ARHGAP35: variants seen among roughly 807,000 people sequenced by gnomAD.
The protein encoded by ARHGAP35 is rho GTPase-activating protein 35.
A neutral mutation model predicts 111.1 loss-of-function variants in ARHGAP35; 15 were observed. The observed-to-expected ratio is 0.13, with a 90% CI of 0.09 to 0.21. The LOEUF is 0.21. ARHGAP35 is among the 10% of genes least tolerant of loss of function. The probability of loss-of-function intolerance (pLI) is 1.00; values close to 1 mark genes in which losing one functional copy is unlikely to be tolerated. For synonymous variants in ARHGAP35, 643 were observed against 710.3 expected (o/e 0.91, Z 1.51); for missense variants, 1,262 against 1,873.0 (o/e 0.67, Z 6.02).
chr19:46,987,020 G>A, intron 3 of ARHGAP35, among the ~76,000 whole-genome samples: 1 of 151,686 alleles, frequency 6.6e-6, no homozygotes, highest in East Asian at 1.9e-4. Context: ...TAGAGATGGG[G>A]TTTCTCCATG....
intron 3 of ARHGAP35, among the ~76,000 whole-genome samples, chr19:46,976,507 G>T (rs754469633): frequency 2.2e-4 from 33 of 152,314 alleles, no homozygotes; most frequent in East Asian, 1.2e-3. Flanking sequence ...AAGTAACCCT[G>T]GCCTTCCATC....
At chr19:46,953,879 C>T (rs1031774984) in intron 3 of ARHGAP35, among the ~76,000 whole-genome samples, 2 of 152,162 alleles carry the variant, frequency 1.3e-5, no homozygotes, top group Admixed American at 6.5e-5. Context: ...CGTGCCTCTG[C>T]GTCGTTGTTA....
At position 46,920,845 on chromosome 19, in the gene ARHGAP35, A is replaced by G; in HGVS notation, c.2170A>G (p.Ile724Val). 1.2e-6 allele frequency: 2 copies of G among 1,613,606 alleles called. No individual in the cohort carries two copies. Among genetic ancestry groups the G allele is most frequent in the Non-Finnish European group, 1.7e-6 (2 of 1,179,706 alleles). The change falls in exon 2 of 7, where the codon ATT (isoleucine) becomes GTT (valine). Residue 724 changes from isoleucine to valine, a missense_variant. Ile to Val is a conservative substitution (Grantham distance 29). Transcript: ENST00000672722. The surrounding 1 kb of genome is among the most constrained non-coding windows in gnomAD (Gnocchi z 7.0). Reference sequence around the variant, plus strand: ...TAGCTTAATACAGCAAGGTCAACAAATTGCTAGCAAACTTCAGTGTGTCTT... The same window carrying G: ...TAGCTTAATACAGCAAGGTCAACAAGTTGCTAGCAAACTTCAGTGTGTCTT... ...LHSLIQQGQQ[I>V]ASKLQCVFLD...
intron 3 of ARHGAP35, among the ~76,000 whole-genome samples, chr19:46,966,907 C>G (rs1388092781): frequency 6.6e-6 from 1 of 152,130 alleles, no homozygotes; most frequent in Non-Finnish European, 1.5e-5. Flanking sequence ...AGGGAGCTTG[C>G]TTGCTTGGAG....
At position 46,983,489 on chromosome 19, in the gene ARHGAP35, T is replaced by C. The variant is rs970605023; in HGVS notation, c.3827-4500T>C. Among the ~76,000 whole-genome samples the C allele has an allele frequency of 3.3e-5, 5 of 152,190 alleles. No individual in the cohort carries two copies. The South Asian group carries it at 1.0e-3, about 32-fold the overall frequency. On this transcript the variant is annotated intron_variant, in intron 3 of 6. Coordinates refer to ENST00000672722, the MANE Select transcript of ARHGAP35 (RefSeq NM_004491.5). ...TTCATCTTTTTAAACAGTACCCCAG[T>C]CAGATGGTTGTCTGGTGAGAGGAGA...
At chr19:46,928,701 G>A (rs986686289) in intron 2 of ARHGAP35, among the ~76,000 whole-genome samples, 2 of 152,092 alleles carry the variant, frequency 1.3e-5, no homozygotes, top group Non-Finnish European at 2.9e-5. Flanking sequence ...GGAGGCCGAG[G>A]CAGGCACATC....
chr19:46,983,161 C>T (rs931760068), intron 3 of ARHGAP35, among the ~76,000 whole-genome samples: 1 of 151,732 alleles, frequency 6.6e-6, no homozygotes, highest in Non-Finnish European at 1.5e-5. Flanking sequence ...GTAACAGGCC[C>T]TCCAGGTGAC....
chr19:46,965,277 C>T (rs1179537396), intron 3 of ARHGAP35, among the ~76,000 whole-genome samples: 1 of 152,212 alleles, frequency 6.6e-6, no homozygotes, highest in African/African-American at 2.4e-5. Flanking sequence ...TGCGCCATTG[C>T]ACTCCAGCCT....
chr19:46,937,962 A>G (rs1274595994), intron 3 of ARHGAP35, among the ~76,000 whole-genome samples: 1 of 152,204 alleles, frequency 6.6e-6, no homozygotes, highest in Non-Finnish European at 1.5e-5. Flanking sequence ...TGATGCTATC[A>G]CAAAGGTAGA....
intron 1 of ARHGAP35, among the ~76,000 whole-genome samples, chr19:46,862,951 C>T (rs566720952): frequency 5.0e-4 from 76 of 152,202 alleles, no homozygotes; most frequent in Middle Eastern, 3.4e-3. Flanking sequence ...TATTCCCCCC[C>T]ACCTTCCTCT....
chr19:46,869,097 G>A (rs1319560356), intron 1 of ARHGAP35, among the ~76,000 whole-genome samples: 4 of 151,408 alleles, frequency 2.6e-5, no homozygotes, highest in Admixed American at 1.3e-4. Flanking sequence ...TAGCAGAGTC[G>A]GGTTTCACCA....
chr19:46,960,000 C>T (rs8102362), intron 3 of ARHGAP35, among the ~76,000 whole-genome samples: 2,265 of 148,608 alleles, frequency 0.015, 23 homozygotes, highest in Non-Finnish European at 0.023. Flanking sequence ...GTCCCAGCTA[C>T]TCAGGAGGCT....
intron 5 of ARHGAP35, among the ~76,000 whole-genome samples, chr19:46,990,478 C>T (rs1311094701): frequency 6.6e-6 from 1 of 152,228 alleles, no homozygotes; most frequent in Non-Finnish European, 1.5e-5. Context: ...CTGCTTTGTG[C>T]CTCTGGCAGG....
intron 1 of ARHGAP35, among the ~76,000 whole-genome samples, chr19:46,880,163 T>C (rs559743894): frequency 6.6e-6 from 1 of 152,252 alleles, no homozygotes; most frequent in African/African-American, 2.4e-5. Context: ...GCTGGGCGTG[T>C]GGCTCACGCC....
chr19:46,977,280 A>T (rs113785054), intron 3 of ARHGAP35, among the ~76,000 whole-genome samples: 2 of 152,222 alleles, frequency 1.3e-5, no homozygotes. Flanking sequence ...TGAACCCACT[A>T]CGTTCCTAGT....
At chr19:46,928,724 GA>G (rs2056253562) in intron 2 of ARHGAP35, among the ~76,000 whole-genome samples, 1 of 152,130 alleles carries the variant, frequency 6.6e-6, no homozygotes, top group East Asian at 1.9e-4. Flanking sequence ...TTGAGGTCAG[GA>G]GTTCGAGACC....
At chr19:46,949,344 A>G (rs1568476753) in intron 3 of ARHGAP35, among the ~76,000 whole-genome samples, 2 of 152,152 alleles carry the variant, frequency 1.3e-5, no homozygotes, top group South Asian at 4.1e-4. Flanking sequence ...ACTAGTTACA[A>G]AGGGGGACCA....
intron 2 of ARHGAP35, among the ~76,000 whole-genome samples, chr19:46,923,987 AAG>A (rs2056224145): frequency 6.6e-6 from 1 of 152,120 alleles, no homozygotes; most frequent in African/African-American, 2.4e-5. Context: ...TTTTCAGAAA[AAG>A]ACATTTTGGT....
Position 46,921,849 on chromosome 19 carries a change from T to C in ARHGAP35, c.3174T>C (p.Tyr1058=), listed in dbSNP as rs373444642. Reference sequence around the variant, plus strand: ...AAATTACAAAGGGGGATCTATCTTATTTAGACCAAGGCCATAGGGATGGAC... The same window carrying C: ...AAATTACAAAGGGGGATCTATCTTACTTAGACCAAGGCCATAGGGATGGAC... ...HFEITKGDLS[Y]LDQGHRDGQR... The change falls in exon 2 of 7, where the codon TAT becomes TAC. Residue 1058 remains tyrosine (Y), a synonymous_variant. Transcript: ENST00000672722. This position sits in a 1 kb window ranked among gnomAD's most constrained non-coding sequence, Gnocchi z 4.3. 6.2e-7 allele frequency: 1 copy of C among 1,614,018 alleles called. No individual in the cohort carries two copies. The highest frequency in any genetic ancestry group is 8.5e-7 in the Non-Finnish European group (1 of 1,179,894).
Sources: gnomAD v4.1 joint callset for allele counts (sites outside exome capture counted in the v4.1 genomes callset) on GRCh38, gnomAD v4.1.1 for gene constraint, Gnocchi (gnomAD v3.1) non-coding constraint, MANE v1.5 for transcripts, NCBI Gene and HGNC (gene_info 2026-07-23, HGNC 2026-07-21) for gene names.